LUZP2: variants seen among roughly 807,000 people sequenced by gnomAD.
The protein encoded by LUZP2 is leucine zipper protein 2.
Under a neutral mutation model 51.6 loss-of-function variants are expected in LUZP2, and 52 were observed. The observed-to-expected ratio is 1.01, with a 90% CI of 0.81 to 1.27. The LOEUF (loss-of-function observed/expected upper bound fraction) is 1.27. LUZP2 is among the 50% of genes most tolerant of loss of function. The probability of loss-of-function intolerance (pLI) is 0.00; values close to 1 mark genes in which losing one functional copy is unlikely to be tolerated. For synonymous variants in LUZP2, 154 were observed against 137.3 expected, an observed-to-expected ratio of 1.12 and a Z score of -0.85; for missense variants, 436 against 395.4, an observed-to-expected ratio of 1.10 and a Z score of -0.87.
intron 5 of LUZP2, among the ~76,000 whole-genome samples, chr11:24,803,709 A>C (rs2134121196): frequency 6.6e-6 from 1 of 152,258 alleles, no homozygotes; most frequent in East Asian, 1.9e-4. Context: ...CATTATGCTA[A>C]GTTAAATAAG....
chr11:24,576,763 A>G (rs536219052), intron 1 of LUZP2, among the ~76,000 whole-genome samples: 14 of 152,106 alleles, frequency 9.2e-5, no homozygotes, highest in Non-Finnish European at 1.9e-4. Flanking sequence ...AAAATAGAGG[A>G]ATGGGTAGAA....
rs2133866433 is a variant in LUZP2, at chr11:24,602,149, TGTATATA to T, written c.62+104845_62+104851del. ...ATGTATATGTGTATATATGTATATA[TGTATATA>T]TGTATATATGTGTATATATATGTGT... On this transcript the variant is annotated intron_variant, in intron 1 of 11. Transcript: ENST00000336930. Among the ~76,000 whole-genome samples the T allele has an allele frequency of 1.7e-5, 2 of 114,644 alleles. 1 individual carries two copies. The highest frequency in any genetic ancestry group is 5.1e-4 in the South Asian group (2 of 3,944). The allele number at this position is 114,644 out of a possible 152,430, so 75.2% of individuals were successfully genotyped here.
At chr11:24,568,837 A>C (rs12573929) in intron 1 of LUZP2, among the ~76,000 whole-genome samples, 32,197 of 151,872 alleles carry the variant, frequency 0.21, 4,627 homozygotes, top group African/African-American at 0.41. Flanking sequence ...TATTTGATGG[A>C]GATGGTAAAT....
chr11:24,826,816 A>T (rs1850557523), intron 5 of LUZP2, among the ~76,000 whole-genome samples: 1 of 152,214 alleles, frequency 6.6e-6, no homozygotes, highest in South Asian at 2.1e-4. Context: ...TGTTTATTTT[A>T]AAATTAAAGG....
intron 10 of LUZP2, among the ~76,000 whole-genome samples, chr11:25,067,680 G>A (rs953037373): frequency 1.3e-5 from 2 of 152,078 alleles, no homozygotes; most frequent in Admixed American, 6.6e-5. Context: ...AACAACAGAG[G>A]CTGGAGACGA....
At chr11:24,941,333 TTA>T (rs1413254105) in intron 7 of LUZP2, among the ~76,000 whole-genome samples, 19 of 152,322 alleles carry the variant, frequency 1.2e-4, no homozygotes, top group Non-Finnish European at 2.2e-4. Flanking sequence ...CATTATTTAT[TTA>T]TGTTTCACCT....
chr11:24,591,802 A>G (rs1200058166), intron 1 of LUZP2, among the ~76,000 whole-genome samples: 1 of 152,220 alleles, frequency 6.6e-6, no homozygotes, highest in Admixed American at 6.5e-5. Context: ...GTGCTCTGAG[A>G]AAGAAAGTTA....
At chr11:24,574,739 C>G (rs878916693) in intron 1 of LUZP2, among the ~76,000 whole-genome samples, 1 of 152,014 alleles carries the variant, frequency 6.6e-6, no homozygotes, top group Admixed American at 6.6e-5. Flanking sequence ...TATCCTCTCA[C>G]AGAGACTGGG....
intron 1 of LUZP2, among the ~76,000 whole-genome samples, chr11:24,629,396 T>C: frequency 6.6e-6 from 1 of 151,394 alleles, no homozygotes; most frequent in East Asian, 1.9e-4. Context: ...TTTATATTGC[T>C]GTAAAATACA....
In LUZP2 at chr11:24,643,757, GA is replaced by G. The variant is rs534908984; in HGVS notation, c.63-85404del. ...ATGCACACATTAGTCACTACCTATT[GA>G]AAAAAAAGATACACCAAATATGAAA... On this transcript the variant is annotated intron_variant, in intron 1 of 11. Coordinates refer to ENST00000336930, the MANE Select transcript of LUZP2 (RefSeq NM_001009909.4). 3.0e-4 allele frequency among the ~76,000 whole-genome samples: 45 copies of G among 151,684 alleles called. No individual in the cohort carries two copies. The East Asian group carries it at 6.6e-3, about 22-fold the overall frequency.
At chr11:25,011,541 C>A (rs183102509) in intron 9 of LUZP2, among the ~76,000 whole-genome samples, 1 of 152,094 alleles carries the variant, frequency 6.6e-6, no homozygotes, top group East Asian at 1.9e-4. Context: ...AAGGTTCAGG[C>A]CATTTAGTTT....
intron 10 of LUZP2, among the ~76,000 whole-genome samples, chr11:25,066,713 T>G (rs931395145): frequency 6.6e-6 from 1 of 151,896 alleles, no homozygotes. Context: ...TGGAGGCTGA[T>G]CTGTTTGGGT....
intron 10 of LUZP2, among the ~76,000 whole-genome samples, chr11:25,070,770 G>GGTGTGTGTGT (rs67504954): frequency 1.8e-3 from 256 of 141,382 alleles, no homozygotes; most frequent in African/African-American, 5.0e-3. Flanking sequence ...GACTGTGTAT[G>GGTGTGTGTGT]GTGTGTGTGT....
chr11:24,506,330 A>T (rs1216397657), intron 1 of LUZP2, among the ~76,000 whole-genome samples: 1 of 152,042 alleles, frequency 6.6e-6, no homozygotes, highest in Non-Finnish European at 1.5e-5. Flanking sequence ...TAAACTAAGC[A>T]TTGGGCAGGA....
chr11:25,033,926 T>G (rs1857775918), intron 9 of LUZP2, among the ~76,000 whole-genome samples: 1 of 152,104 alleles, frequency 6.6e-6, no homozygotes. Context: ...TGATTTATCT[T>G]CCTTTAGGAT....
chr11:24,574,263 G>GCTTT lies in LUZP2; in HGVS notation c.62+76980_62+76983dup, dbSNP rs1284916157. On this transcript the variant is annotated intron_variant, in intron 1 of 11. Coordinates refer to ENST00000336930, the MANE Select transcript of LUZP2 (RefSeq NM_001009909.4). ...TTCTTTCTTTCTTTCTTTCTTTCTT[G>GCTTT]CTTTCTTTCTTTCTTTCTTTCTTTC... Among the ~76,000 whole-genome samples the GCTTT allele has an allele frequency of 2.1e-4, 15 of 70,058 alleles. 1 individual carries two copies. Among genetic ancestry groups the GCTTT allele is most frequent in the African/African-American group, 6.5e-4 (14 of 21,506 alleles). The allele number at this position is 70,058 out of a possible 152,430, so 46.0% of individuals were successfully genotyped here. A position where few individuals can be genotyped will look rare whatever the true frequency, so the allele number is the denominator to read the frequency against.
intron 9 of LUZP2, among the ~76,000 whole-genome samples, chr11:24,988,995 T>C (rs1465135162): frequency 6.6e-6 from 1 of 150,918 alleles, no homozygotes; most frequent in Non-Finnish European, 1.5e-5. Context: ...GAGGCAGCCA[T>C]AGGAGGCCGG....
At chr11:24,987,688 T>A (rs1324680196) in intron 9 of LUZP2, among the ~76,000 whole-genome samples, 2 of 151,968 alleles carry the variant, frequency 1.3e-5, no homozygotes, top group African/African-American at 4.8e-5. Context: ...TGGGGCTCTC[T>A]TTAGGAGCTT....
At chr11:24,891,203 A>T in intron 5 of LUZP2, 1 of 985,098 alleles carries the variant, frequency 1.0e-6, no homozygotes, top group Non-Finnish European at 1.2e-6. Flanking sequence ...GTGATGAAGC[A>T]TACCCTTGTC....
Sources: gnomAD v4.1 joint callset for allele counts (sites outside exome capture counted in the v4.1 genomes callset) on GRCh38, gnomAD v4.1.1 for gene constraint, MANE v1.5 for transcripts, NCBI Gene and HGNC (gene_info 2026-07-23, HGNC 2026-07-21) for gene names.